KCNMA1: variants seen among roughly 807,000 people sequenced by gnomAD.
KCNMA1 encodes the protein Calcium-activated potassium channel subunit alpha-1.
Under a neutral mutation model 140.0 loss-of-function variants are expected in KCNMA1, and 29 were observed. The ratio of observed to expected loss-of-function variants is 0.21; its 90% CI spans 0.15 to 0.28. The LOEUF (loss-of-function observed/expected upper bound fraction) is 0.28, where lower values mean the gene tolerates loss of function less well. Ranked by LOEUF, KCNMA1 falls within the 10% of genes least tolerant of loss-of-function variation. The pLI is 1.00. For synonymous variants in KCNMA1, 612 were observed against 611.9 expected, an observed-to-expected ratio of 1.00 and a Z score of 0.00; for missense variants, 880 against 1,602.2, an observed-to-expected ratio of 0.55 and a Z score of 7.70.
intron 25 of KCNMA1, among the ~76,000 whole-genome samples, chr10:76,900,043 GGTTTTAA>G (rs1211601509): frequency 2.0e-5 from 3 of 151,550 alleles, no homozygotes; most frequent in East Asian, 1.9e-4. Flanking sequence ...TATGGTACTG[GGTTTTAA>G]GTTTTAATAT....
intron 2 of KCNMA1, among the ~76,000 whole-genome samples, chr10:77,258,443 G>A (rs1394555221): frequency 6.6e-6 from 1 of 152,144 alleles, no homozygotes; most frequent in Non-Finnish European, 1.5e-5. Flanking sequence ...TCTCAGCTCT[G>A]CCATCACTAC....
intron 2 of KCNMA1, among the ~76,000 whole-genome samples, chr10:77,257,664 C>T (rs757579925): frequency 2.6e-5 from 4 of 152,288 alleles, no homozygotes; most frequent in Admixed American, 1.3e-4. Flanking sequence ...ACAATTCCCA[C>T]GTGTTGTGGG....
intron 25 of KCNMA1, chr10:76,901,741 TTGTC>T (rs1257303707): frequency 1.3e-5 from 2 of 152,202 alleles, no homozygotes; most frequent in Non-Finnish European, 2.9e-5. Flanking sequence ...CTGAGCATAA[TTGTC>T]TGCTCTCTGA....
At chr10:77,161,890 T>C (rs1490288512) in intron 5 of KCNMA1, among the ~76,000 whole-genome samples, 1 of 152,258 alleles carries the variant, frequency 6.6e-6, no homozygotes, top group Non-Finnish European at 1.5e-5. Flanking sequence ...TAGATTAAGC[T>C]ACTCTAGGCT....
chr10:77,518,543 G>C (rs1051756381), intron 1 of KCNMA1, among the ~76,000 whole-genome samples: 1 of 152,188 alleles, frequency 6.6e-6, no homozygotes, highest in Non-Finnish European at 1.5e-5. Context: ...CTAGGAGCAC[G>C]TGTTAGTACT....
chr10:77,012,398 G>T (rs1405706104), intron 17 of KCNMA1: 1 of 1,537,436 alleles, frequency 6.5e-7, no homozygotes, highest in South Asian at 1.2e-5. Flanking sequence ...CTGGGCCCTT[G>T]GTGGGGAAGT....
chr10:77,203,999 GTCAGGAGAA>G (rs1241874858), intron 3 of KCNMA1, among the ~76,000 whole-genome samples: 2 of 151,528 alleles, frequency 1.3e-5, no homozygotes, highest in Non-Finnish European at 2.9e-5. Context: ...GGGAGACTGA[GTCAGGAGAA>G]TCACTTGAAT....
At chr10:77,570,887 C>T (rs7084249) in intron 1 of KCNMA1, among the ~76,000 whole-genome samples, 2,207 of 150,894 alleles carry the variant, frequency 0.015, 59 homozygotes, top group African/African-American at 0.051. Context: ...GACAGGATTG[C>T]GCCACTGCAC....
intron 2 of KCNMA1, among the ~76,000 whole-genome samples, chr10:77,279,998 T>C (rs564450267): frequency 8.5e-4 from 130 of 152,318 alleles, no homozygotes; most frequent in African/African-American, 3.0e-3. Flanking sequence ...GACTAACACA[T>C]GCCTCCCTTC....
chr10:77,193,476 C>CT lies in KCNMA1; in HGVS notation c.603-8561dup, dbSNP rs1241271554. 7.9e-5 allele frequency among the ~76,000 whole-genome samples: 12 copies of CT among 152,046 alleles called. No homozygotes were observed. In the East Asian group the frequency reaches 1.7e-3, roughly 22 times the overall value. On this transcript the variant is annotated intron_variant, in intron 3 of 27. Transcript: ENST00000286628. ...CTCCCTCCACTGATTCTAGCCATCC[C>CT]TTTTTTTTAGGGAACCCTTATTTAT...
At chr10:77,433,824 G>C (rs568162743) in intron 1 of KCNMA1, 2 of 152,308 alleles carry the variant, frequency 1.3e-5, no homozygotes, top group East Asian at 3.9e-4. Flanking sequence ...CTCAACACCA[G>C]CATCCTTCCT....
At position 77,415,219 on chromosome 10, in the gene KCNMA1, G is replaced by A. The variant is rs556385141; in HGVS notation, c.379-11196C>T. On this transcript the variant is annotated intron_variant, in intron 1 of 27. Coordinates refer to ENST00000286628, the MANE Select transcript of KCNMA1 (RefSeq NM_001161352.2). ...AGTAAGGCAACCTCCAAACTTTCAG[G>A]GCTAATACATACATCCTGGCCAATG... Among the ~76,000 whole-genome samples the A allele has an allele frequency of 5.3e-5, 8 of 152,212 alleles. No homozygotes were observed. In the South Asian group the frequency reaches 1.7e-3, roughly 32 times the overall value.
intron 16 of KCNMA1, among the ~76,000 whole-genome samples, chr10:77,026,040 T>C (rs2093430647): frequency 6.7e-6 from 1 of 150,074 alleles, no homozygotes; most frequent in African/African-American, 2.4e-5. Flanking sequence ...TATCTACAAA[T>C]ATGGCTTTGT....
chr10:77,592,417 G>T (rs1346328341), intron 1 of KCNMA1, among the ~76,000 whole-genome samples: 1 of 152,226 alleles, frequency 6.6e-6, no homozygotes, highest in Non-Finnish European at 1.5e-5. Context: ...TTGACATGCA[G>T]TTTTAGACCA....
At chr10:77,387,460 A>G (rs774580876) in intron 2 of KCNMA1, among the ~76,000 whole-genome samples, 11 of 152,186 alleles carry the variant, frequency 7.2e-5, no homozygotes, top group Non-Finnish European at 1.5e-4. Context: ...TAAGGCACAA[A>G]TAACACTAGT....
chr10:77,239,263 T>C (rs1001305415), intron 3 of KCNMA1, among the ~76,000 whole-genome samples: 2 of 152,252 alleles, frequency 1.3e-5, no homozygotes, highest in Admixed American at 6.5e-5. Flanking sequence ...AGTCATCTAA[T>C]AGCATCCACG....
At chr10:76,981,264 A>G (rs2079348668) in intron 19 of KCNMA1, among the ~76,000 whole-genome samples, 1 of 152,102 alleles carries the variant, frequency 6.6e-6, no homozygotes, top group African/African-American at 2.4e-5. Flanking sequence ...ATCTCATTCA[A>G]CTGTCACCTT....
intron 18 of KCNMA1, among the ~76,000 whole-genome samples, chr10:77,011,444 T>C (rs2090719446): frequency 6.6e-6 from 1 of 152,158 alleles, no homozygotes; most frequent in Non-Finnish European, 1.5e-5. Flanking sequence ...CAGTGGAAAG[T>C]TCTTTTCTTG....
intron 1 of KCNMA1, among the ~76,000 whole-genome samples, chr10:77,529,879 G>A (rs1567356203): frequency 1.3e-5 from 2 of 152,090 alleles, no homozygotes; most frequent in South Asian, 2.1e-4. Context: ...TTCAGTCTCC[G>A]CTACTTTCTT....
Sources: allele counts gnomAD v4.1 joint callset (sites outside exome capture counted in the v4.1 genomes callset), GRCh38; gene constraint gnomAD v4.1.1; transcripts MANE v1.5; gene names NCBI Gene and HGNC (gene_info 2026-07-23, HGNC 2026-07-21).